FYB1: variants seen among roughly 807,000 people sequenced by gnomAD.
FYB1 encodes the protein FYN-binding protein 1.
FYB1 carries 41 observed loss-of-function variants against 94.1 expected under a neutral mutation model. The observed-to-expected ratio is 0.44, with a 90% CI of 0.34 to 0.57. The LOEUF is 0.57. Among genes scored for constraint, FYB1 ranks in the 20% least tolerant of loss-of-function variants. FYB1 has a pLI of 0.02. For synonymous variants in FYB1, 367 were observed against 353.2 expected (o/e 1.04, Z -0.44); for missense variants, 1,050 against 976.8 (o/e 1.07, Z -1.00).
At chr5:39,166,236 A>G (rs1731949765) in intron 2 of FYB1, among the ~76,000 whole-genome samples, 1 of 152,176 alleles carries the variant, frequency 6.6e-6, no homozygotes, top group Non-Finnish European at 1.5e-5. Context: ...CAGGAGTTCA[A>G]GACCAGCCTG....
rs951967262 is a variant in FYB1 at position 39,163,771 on chromosome 5, C to T, written c.1136-10167G>A. On this transcript the variant is annotated intron_variant, in intron 2 of 18. Transcript: ENST00000512982. ...AAAATGTCAGCATATAAGAAAAGTT[C>T]TTTGTCAGATGCTCATAGATTACAG... Among the ~76,000 whole-genome samples the T allele has an allele frequency of 3.3e-5, 5 of 152,254 alleles. 1 individual carries two copies. In the East Asian group the frequency reaches 9.6e-4, roughly 29 times the overall value.
chr5:39,135,997 A>C (rs892861277), intron 7 of FYB1, among the ~76,000 whole-genome samples: 6 of 152,198 alleles, frequency 3.9e-5, no homozygotes, highest in African/African-American at 1.2e-4. Context: ...TGAATTCTCC[A>C]GAAGAAACAT....
At chr5:39,268,669 C>T (rs554650741) in intron 1 of FYB1, among the ~76,000 whole-genome samples, 16 of 152,136 alleles carry the variant, frequency 1.1e-4, no homozygotes, top group African/African-American at 2.4e-4. Flanking sequence ...CAGGTTCAAG[C>T]GATTCTGCTC....
At chr5:39,124,877 A>G (rs1740486455) in intron 12 of FYB1, among the ~76,000 whole-genome samples, 1 of 151,134 alleles carries the variant, frequency 6.6e-6, no homozygotes, top group African/African-American at 2.4e-5. Flanking sequence ...AAGAAGACCC[A>G]TGCTTCTATT....
At chr5:39,145,011 A>G (rs1396625255) in intron 3 of FYB1, among the ~76,000 whole-genome samples, 1 of 152,176 alleles carries the variant, frequency 6.6e-6, no homozygotes, top group Non-Finnish European at 1.5e-5. Flanking sequence ...AAATTATATG[A>G]TGTTTTGTAT....
chr5:39,261,578 T>C (rs1176542501), intron 1 of FYB1, among the ~76,000 whole-genome samples: 1 of 151,794 alleles, frequency 6.6e-6, no homozygotes, highest in Non-Finnish European at 1.5e-5. Context: ...GAAACCCCAT[T>C]TCTACTAAAA....
At chr5:39,273,399 C>T (rs1292123300) in intron 1 of FYB1, among the ~76,000 whole-genome samples, 5 of 152,142 alleles carry the variant, frequency 3.3e-5, no homozygotes, top group Non-Finnish European at 7.3e-5. Context: ...GTTTTTAAGG[C>T]ATAATCATGT....
chr5:39,207,485 T>C (rs1279457058), intron 1 of FYB1, among the ~76,000 whole-genome samples: 1 of 152,200 alleles, frequency 6.6e-6, no homozygotes, highest in Non-Finnish European at 1.5e-5. Flanking sequence ...AACCCAGTTT[T>C]CAGAAAATCT....
chr5:39,154,862 G>A (rs1310408501), intron 2 of FYB1, among the ~76,000 whole-genome samples: 1 of 152,034 alleles, frequency 6.6e-6, no homozygotes, highest in African/African-American at 2.4e-5. Context: ...AAAGTGCTGG[G>A]ATTACAAGCG....
At chr5:39,164,770 C>T (rs1049040234) in intron 2 of FYB1, among the ~76,000 whole-genome samples, 4 of 152,102 alleles carry the variant, frequency 2.6e-5, no homozygotes, top group South Asian at 2.1e-4. Context: ...GAGAAAGCCT[C>T]GCAAAGAAAT....
intron 10 of FYB1, among the ~76,000 whole-genome samples, chr5:39,129,445 A>G (rs551213639): frequency 6.6e-6 from 1 of 152,204 alleles, no homozygotes; most frequent in South Asian, 2.1e-4. Context: ...CAACAAAAAC[A>G]AAAATAGACA....
chr5:39,117,191 G>T (rs1442532620), intron 16 of FYB1, among the ~76,000 whole-genome samples: 1 of 151,962 alleles, frequency 6.6e-6, no homozygotes, highest in Non-Finnish European at 1.5e-5. Context: ...TTTAAGTTTA[G>T]CTTCTCTTCT....
intron 1 of FYB1, among the ~76,000 whole-genome samples, chr5:39,244,611 T>A (rs1429694615): frequency 7.2e-6 from 1 of 139,340 alleles, no homozygotes; most frequent in Non-Finnish European, 1.5e-5. Flanking sequence ...CTTTTTTTGT[T>A]GTGTCTCTGC....
chr5:39,111,388 C>T (rs750584024), intron 16 of FYB1, among the ~76,000 whole-genome samples: 15 of 151,476 alleles, frequency 9.9e-5, no homozygotes, highest in Non-Finnish European at 7.4e-5. Flanking sequence ...AAATGTGTTA[C>T]AAATTATAAG....
chr5:39,196,241 C>T (rs1423128592), intron 2 of FYB1, among the ~76,000 whole-genome samples: 2 of 138,396 alleles, frequency 1.4e-5, no homozygotes, highest in Non-Finnish European at 3.0e-5. Flanking sequence ...ATAGGGTTCG[C>T]TTTGTCACCC....
intron 1 of FYB1, among the ~76,000 whole-genome samples, chr5:39,254,478 C>G (rs1375499593): frequency 6.6e-6 from 1 of 152,166 alleles, no homozygotes; most frequent in Non-Finnish European, 1.5e-5. Flanking sequence ...CTTATATTTT[C>G]TGAAATAAAA....
rs558345225 is a variant in FYB1 at position 39,137,528 on chromosome 5, G to A, written c.1515+72C>T. On this transcript the variant is annotated intron_variant, in intron 7 of 18. Transcript: ENST00000512982. The stretch of plus-strand genomic sequence containing the variant: ...ATTCTTCAACTATGTAAGTTTTCAA[G>A]AATGGTACCCCTTTTGTGTGAAAGG... 14 of 1,478,494 alleles carry A rather than the reference G, an allele frequency of 9.5e-6. No individual in the cohort carries two copies. The African/African-American group carries it at 1.9e-4, about 20-fold the overall frequency. 91.6% of individuals were successfully genotyped at this position (1,478,494 alleles called of 1,614,324 possible). A position where few individuals can be genotyped will look rare whatever the true frequency, so the allele number is the denominator to read the frequency against.
chr5:39,218,978 G>A (rs922164443), intron 1 of FYB1, among the ~76,000 whole-genome samples: 2 of 152,190 alleles, frequency 1.3e-5, no homozygotes, highest in Non-Finnish European at 2.9e-5. Context: ...GAAATCTCAT[G>A]TGAATCCTCA....
At chr5:39,117,497 T>C (rs757639439) in intron 16 of FYB1, among the ~76,000 whole-genome samples, 3 of 152,202 alleles carry the variant, frequency 2.0e-5, no homozygotes, top group Non-Finnish European at 4.4e-5. Context: ...GGTATCTTTC[T>C]ACACATTATC....
Sources: gnomAD v4.1 joint callset for allele counts (sites outside exome capture counted in the v4.1 genomes callset) on GRCh38, gnomAD v4.1.1 for gene constraint, MANE v1.5 for transcripts, NCBI Gene and HGNC (gene_info 2026-07-23, HGNC 2026-07-21) for gene names.